The following OTUD7A variants were observed in gnomAD, a reference collection of about 807,000 sequenced individuals.
OTUD7A encodes the protein OTU domain-containing protein 7A.
OTUD7A carries 12 observed loss-of-function variants against 65.7 expected under a neutral mutation model. That is an observed-to-expected ratio of 0.18 (90% CI 0.12 to 0.30). The LOEUF is 0.30. OTUD7A is among the 10% of genes least tolerant of loss of function. The pLI is 1.00. For missense variants in OTUD7A, 1,148 were observed against 1,304.8 expected, an observed-to-expected ratio of 0.88 and a Z score of 1.85; for synonymous variants, 641 against 586.3, an observed-to-expected ratio of 1.09 and a Z score of -1.35.
At position 31,484,049 on chromosome 15, in the gene OTUD7A, C is replaced by G. The variant is rs1177809049; in HGVS notation, c.2047G>C (p.Ala683Pro). 7.4e-7 allele frequency: 1 copy of G among 1,342,902 alleles called. No individual in the cohort carries two copies. Among genetic ancestry groups the G allele is most frequent in the Admixed American group, 3.2e-5 (1 of 31,638 alleles). The allele number at this position is 1,342,902 out of a possible 1,614,324, so 83.2% of individuals were successfully genotyped here. Residue 683 changes from alanine (A) to proline (P), a missense_variant, in exon 13 of 13, where the codon GCC (alanine) becomes CCC (proline). Around this residue, in one of 6 missense-constraint regions of OTUD7A, gnomAD observed 842 missense variants for 769.5 expected, o/e 1.09. Coordinates refer to ENST00000307050, the MANE Select transcript of OTUD7A (RefSeq NM_001382637.1). The surrounding 1 kb of genome is among the most constrained non-coding windows in gnomAD (Gnocchi z 4.5). ...GCGGCAGCGGCGGCCGCAGTAGCGG[C>G]GTCGCGGCGCCGCTGCTCCTGCTCG... ...SAEQEQRRRDAATAAAAAAAA... is the reference protein window; with the variant it reads ...SAEQEQRRRDPATAAAAAAAA...
rs1045949305 is a variant in OTUD7A at position 31,483,884 on chromosome 15, C to T, written c.2212G>A (p.Ala738Thr). ...LKERPSPGPA[A>T]GRAARAAAGG... The stretch of plus-strand genomic sequence containing the variant: ...GCCGCCGCCCGCGCCGCACGCCCTG[C>T]CGCGGGCCCGGGGCTCGGCCGCTCC... The change falls in exon 13 of 13, where the codon GCA (alanine) becomes ACA (threonine). Residue 738 changes from alanine (A) to threonine (T), a missense_variant. Ala to Thr is a moderately conservative substitution (Grantham distance 58, BLOSUM62 0). This residue lies in a region of OTUD7A where 842 missense variants were observed against 769.5 expected (regional missense o/e 1.09). Coordinates refer to ENST00000307050, the MANE Select transcript of OTUD7A (RefSeq NM_001382637.1). 5.0e-6 allele frequency: 5 copies of T among 994,084 alleles called. No homozygotes were observed. The African/African-American group carries it at 7.1e-5, about 14-fold the overall frequency. The allele number at this position is 994,084 out of a possible 1,614,324, so 61.6% of individuals were successfully genotyped here. A position where few individuals can be genotyped will look rare whatever the true frequency, so the allele number is the denominator to read the frequency against.
intron 1 of OTUD7A, among the ~76,000 whole-genome samples, chr15:31,679,725 C>A (rs140436991): frequency 6.6e-6 from 1 of 152,338 alleles, no homozygotes; most frequent in African/African-American, 2.4e-5. Flanking sequence ...AATTAAACCT[C>A]TTTCCTTTAT....
chr15:31,777,785 G>A (rs1895425651), intron 1 of OTUD7A, among the ~76,000 whole-genome samples: 1 of 152,184 alleles, frequency 6.6e-6, no homozygotes, highest in African/African-American at 2.4e-5. Flanking sequence ...AGTTCTGGGG[G>A]CAGCCCACAA....
rs143776119 is a variant in OTUD7A at position 31,805,134 on chromosome 15, G to T, written c.-100+65373C>A. Among the ~76,000 whole-genome samples, 581 of 152,322 alleles carry T rather than the reference G, an allele frequency of 3.8e-3. 2 individuals carry two copies. The highest frequency in any genetic ancestry group is 5.9e-3 in the Non-Finnish European group (401 of 68,032). ...AGCCCCTGCAGAGGCAACAGGTCGGGTGAGTTAGTTTCCCTGTAGGGTCTA... is the reference window on the plus strand; with the variant it reads ...AGCCCCTGCAGAGGCAACAGGTCGGTTGAGTTAGTTTCCCTGTAGGGTCTA... On this transcript the variant is annotated intron_variant, in intron 1 of 12. Transcript: ENST00000307050.
chr15:31,737,876 G>A (rs1015683847), intron 1 of OTUD7A, among the ~76,000 whole-genome samples: 8 of 152,190 alleles, frequency 5.3e-5, no homozygotes, highest in African/African-American at 1.9e-4. Context: ...CATATGTATT[G>A]TAGGGAATCA....
At chr15:31,489,612 C>G (rs934332488) in intron 10 of OTUD7A, among the ~76,000 whole-genome samples, 1 of 152,230 alleles carries the variant, frequency 6.6e-6, no homozygotes, top group African/African-American at 2.4e-5. Flanking sequence ...TCCCCACTCC[C>G]CTTCCATGGT....
chr15:31,831,856 G>A (rs1503001), intron 1 of OTUD7A, among the ~76,000 whole-genome samples: 48,379 of 152,112 alleles, frequency 0.32, 8,386 homozygotes, highest in South Asian at 0.56. Flanking sequence ...TCACAGGGGC[G>A]TTCCGCCGAG....
intron 1 of OTUD7A, among the ~76,000 whole-genome samples, chr15:31,825,114 T>C (rs1197426346): frequency 1.3e-5 from 2 of 152,222 alleles, no homozygotes; most frequent in Non-Finnish European, 2.9e-5. Flanking sequence ...TTTCTGCTTT[T>C]GTGCCAGGTA....
chr15:31,634,070 C>T (rs1185432404), intron 3 of OTUD7A, among the ~76,000 whole-genome samples: 2 of 152,180 alleles, frequency 1.3e-5, no homozygotes, highest in Non-Finnish European at 2.9e-5. Context: ...AGACAAGAGA[C>T]TCAAGGGTGT....
At chr15:31,741,630 G>T (rs1192593578) in intron 1 of OTUD7A, among the ~76,000 whole-genome samples, 7 of 151,818 alleles carry the variant, frequency 4.6e-5, no homozygotes, top group Non-Finnish European at 1.0e-4. Flanking sequence ...AAAATATTTT[G>T]AACTAAATCA....
At chr15:31,718,921 G>C (rs1388548838) in intron 1 of OTUD7A, among the ~76,000 whole-genome samples, 1 of 148,680 alleles carries the variant, frequency 6.7e-6, no homozygotes. Flanking sequence ...AAAAAAAACT[G>C]TGTAAACCCT....
intron 3 of OTUD7A, among the ~76,000 whole-genome samples, chr15:31,601,365 G>A (rs1349818772): frequency 1.3e-5 from 2 of 152,152 alleles, no homozygotes; most frequent in East Asian, 1.9e-4. Context: ...TGACTCCTGG[G>A]TAAATAATGA....
intron 1 of OTUD7A, among the ~76,000 whole-genome samples, chr15:31,858,979 G>T (rs2141013253): frequency 6.6e-6 from 1 of 152,270 alleles, no homozygotes; most frequent in South Asian, 2.1e-4. Context: ...CTGTAGAATG[G>T]GAACAACTTC....
chr15:31,730,996 T>C (rs1894026624), intron 1 of OTUD7A, among the ~76,000 whole-genome samples: 1 of 152,204 alleles, frequency 6.6e-6, no homozygotes, highest in African/African-American at 2.4e-5. Context: ...AAAATATCCT[T>C]AGGACTAAAT....
At chr15:31,825,727 T>G (rs4779925) in intron 1 of OTUD7A, among the ~76,000 whole-genome samples, 91,770 of 151,974 alleles carry the variant, frequency 0.6, 27,908 homozygotes, top group East Asian at 0.69. Context: ...TTCCACCTAT[T>G]AGCCTGTAAA....
intron 5 of OTUD7A, among the ~76,000 whole-genome samples, chr15:31,533,486 G>A (rs573924929): frequency 3.3e-5 from 5 of 152,090 alleles, no homozygotes; most frequent in African/African-American, 1.2e-4. Flanking sequence ...ATCTGCCTGC[G>A]TTGGCCTCTC....
At chr15:31,771,658 T>G (rs1215179440) in intron 1 of OTUD7A, among the ~76,000 whole-genome samples, 1 of 152,148 alleles carries the variant, frequency 6.6e-6, no homozygotes, top group Middle Eastern at 3.2e-3. Flanking sequence ...TATCTCCATC[T>G]CCACCTCCAC....
At chr15:31,700,313 T>C (rs1331415072) in intron 1 of OTUD7A, among the ~76,000 whole-genome samples, 3 of 151,972 alleles carry the variant, frequency 2.0e-5, no homozygotes, top group Non-Finnish European at 4.4e-5. Flanking sequence ...GACTCCCAAG[T>C]GGCCCTCTCT....
At chr15:31,582,549 G>A (rs182487426) in intron 3 of OTUD7A, among the ~76,000 whole-genome samples, 1 of 152,304 alleles carries the variant, frequency 6.6e-6, no homozygotes, top group African/African-American at 2.4e-5. Flanking sequence ...CATGGTGGAA[G>A]GTGAATGAGG....
Sources: allele counts gnomAD v4.1 joint callset (sites outside exome capture counted in the v4.1 genomes callset), GRCh38; gene constraint gnomAD v4.1.1; regional missense constraint gnomAD v4.1.1; non-coding constraint Gnocchi (gnomAD v3.1); transcripts MANE v1.5; gene names NCBI Gene and HGNC (gene_info 2026-07-23, HGNC 2026-07-21).